Variants in PABPC4L observed in about 807,000 individuals in gnomAD.
PABPC4L encodes poly(A) binding protein cytoplasmic 4 like, also known as polyadenylate-binding protein 4-like.
For missense variants in PABPC4L, 452 were observed against 451.4 expected (o/e 1.00, Z -0.01); for synonymous variants, 169 against 164.1 (o/e 1.03, Z -0.23).
the PABPC4L span, among the ~76,000 whole-genome samples, chr4:134,178,169 G>GAT: frequency 6.6e-6 from 1 of 151,888 alleles, no homozygotes; most frequent in Admixed American, 6.6e-5. Context: ...ACCTCACAAG[G>GAT]ATATAGCTTG....
rs1035533801 is a variant in PABPC4L at position 134,198,888 on chromosome 4, C to T, written c.*1019G>A. 6.6e-6 allele frequency: 1 copy of T among 151,862 alleles called. No individual in the cohort carries two copies. The highest frequency in any genetic ancestry group is 2.1e-4 in the South Asian group (1 of 4,824). The allele number at this position is 151,862 out of a possible 1,614,324, so 9.4% of individuals were successfully genotyped here. On this transcript the variant is annotated 3_prime_UTR_variant, in exon 2 of 2. Transcript: ENST00000421491. ...TGATCAATGAAGGCTAAAAGTGAAC[C>T]TTAATGGGTTCCATAGCTGCCACAT...
chr4:133,997,923 T>C, the PABPC4L span, among the ~76,000 whole-genome samples: 1 of 152,086 alleles, frequency 6.6e-6, no homozygotes, highest in Admixed American at 6.5e-5. Flanking sequence ...TTTTATGTAG[T>C]ATTTTATTGT....
chr4:134,003,695 G>A, the PABPC4L span, among the ~76,000 whole-genome samples: 4 of 151,928 alleles, frequency 2.6e-5, no homozygotes, highest in Admixed American at 6.6e-5. Context: ...AAAGACTATA[G>A]TTGAACCAAT....
chr4:134,065,697 C>A, the PABPC4L span, among the ~76,000 whole-genome samples: 10 of 152,014 alleles, frequency 6.6e-5, no homozygotes, highest in African/African-American at 1.9e-4. Context: ...TTGTCACATT[C>A]TATGACCAGA....
At chr4:134,090,388 T>G in the PABPC4L span, among the ~76,000 whole-genome samples, 1 of 152,228 alleles carries the variant, frequency 6.6e-6, no homozygotes, top group African/African-American at 2.4e-5. Context: ...CCATTTGAAA[T>G]ACATTCCTTC....
chr4:134,046,831 A>G, the PABPC4L span, among the ~76,000 whole-genome samples: 1 of 152,306 alleles, frequency 6.6e-6, no homozygotes, highest in African/African-American at 2.4e-5. Context: ...CATACAACAC[A>G]TGTTTCTGTG....
the PABPC4L span, among the ~76,000 whole-genome samples, chr4:134,077,649 C>A: frequency 6.6e-6 from 1 of 152,166 alleles, no homozygotes; most frequent in Non-Finnish European, 1.5e-5. Flanking sequence ...TCCTAAGGAC[C>A]AATCATAAGT....
chr4:133,952,107 C>T, the PABPC4L span, among the ~76,000 whole-genome samples: 1 of 152,220 alleles, frequency 6.6e-6, no homozygotes. Flanking sequence ...GCCCTTCTTT[C>T]CCCCGAAATT....
chr4:134,181,256 C>T, the PABPC4L span, among the ~76,000 whole-genome samples: 1 of 151,910 alleles, frequency 6.6e-6, no homozygotes, highest in Non-Finnish European at 1.5e-5. Context: ...ATAAACAGAA[C>T]TAAAAGCAAA....
chr4:134,019,954 G>A, the PABPC4L span, among the ~76,000 whole-genome samples: 10 of 152,066 alleles, frequency 6.6e-5, no homozygotes, highest in African/African-American at 9.7e-5. Flanking sequence ...CTAACATCAC[G>A]TGTTTCTCAC....
chr4:134,105,929 G>A, the PABPC4L span, among the ~76,000 whole-genome samples: 3 of 151,678 alleles, frequency 2.0e-5, no homozygotes, highest in Non-Finnish European at 4.4e-5. Flanking sequence ...AAAGACTGCT[G>A]TAATAATCCA....
At chr4:134,103,483 C>A in the PABPC4L span, among the ~76,000 whole-genome samples, 1 of 151,564 alleles carries the variant, frequency 6.6e-6, no homozygotes, top group Non-Finnish European at 1.5e-5. Flanking sequence ...CACATGGTTC[C>A]CGTTTGTGCA....
the PABPC4L span, among the ~76,000 whole-genome samples, chr4:134,182,057 TAC>T: frequency 2.0e-5 from 3 of 149,614 alleles, no homozygotes; most frequent in Non-Finnish European, 4.5e-5. Flanking sequence ...TTCTGTGCTA[TAC>T]ATATCAAACT....
At chr4:134,050,817 C>T in the PABPC4L span, among the ~76,000 whole-genome samples, 2 of 149,240 alleles carry the variant, frequency 1.3e-5, no homozygotes, top group Non-Finnish European at 1.5e-5. Context: ...AAATTACAAG[C>T]TATGAGTAGA....
the PABPC4L span, among the ~76,000 whole-genome samples, chr4:134,173,629 T>C: frequency 6.6e-6 from 1 of 151,996 alleles, no homozygotes; most frequent in African/African-American, 2.4e-5. Flanking sequence ...AGAAGAAATA[T>C]GATCCAGTGT....
chr4:134,199,849 A>T lies in PABPC4L; in HGVS notation c.*58T>A. The T allele has an allele frequency of 6.5e-7, 1 of 1,527,040 alleles. No individual in the cohort carries two copies. Among genetic ancestry groups the T allele is most frequent in the East Asian group, 2.5e-5 (1 of 40,768 alleles). The allele number at this position is 1,527,040 out of a possible 1,614,324, so 94.6% of individuals were successfully genotyped here. ...TTTACTGAGGTCAATTCAGGCAGAG[A>T]TCACTATCATTCTCCCACCTGCTGC... On this transcript the variant is annotated 3_prime_UTR_variant, in exon 2 of 2. Transcript: ENST00000421491.
the PABPC4L span, among the ~76,000 whole-genome samples, chr4:134,113,559 TATG>T: frequency 6.6e-6 from 1 of 151,934 alleles, no homozygotes; most frequent in African/African-American, 2.4e-5. Context: ...AAGTACACTC[TATG>T]ATGTTTTCAC....
the PABPC4L span, among the ~76,000 whole-genome samples, chr4:134,180,769 A>G: frequency 6.6e-6 from 1 of 151,976 alleles, no homozygotes; most frequent in African/African-American, 2.4e-5. Context: ...TACACAAGCT[A>G]GAAAATTTAG....
chr4:134,055,342 C>T, the PABPC4L span, among the ~76,000 whole-genome samples: 10 of 151,856 alleles, frequency 6.6e-5, no homozygotes, highest in Non-Finnish European at 1.5e-4. Context: ...GACTGGTGTC[C>T]TCATAAGAAG....
Sources: allele counts gnomAD v4.1 joint callset (sites outside exome capture counted in the v4.1 genomes callset), GRCh38; gene constraint gnomAD v4.1.1; transcripts MANE v1.5; gene names NCBI Gene and HGNC (gene_info 2026-07-23, HGNC 2026-07-21).